Variants in ACACA observed in about 807,000 individuals in gnomAD.
ACACA encodes acetyl-CoA carboxylase alpha, also known as acetyl-CoA carboxylase 1.
ACACA carries 103 observed loss-of-function variants against 296.1 expected under a neutral mutation model. The ratio of observed to expected loss-of-function variants is 0.35; its 90% CI spans 0.30 to 0.41. The LOEUF (loss-of-function observed/expected upper bound fraction) is 0.41, where lower values mean the gene tolerates loss of function less well. Among genes scored for constraint, ACACA ranks in the 10% least tolerant of loss-of-function variants. The pLI, the probability that ACACA is intolerant of heterozygous loss-of-function variation, is 1.00. For synonymous variants in ACACA, 953 were observed against 1,038.6 expected (o/e 0.92, Z 1.58); for missense variants, 1,554 against 2,989.7 (o/e 0.52, Z 11.20).
rs565035938 is a variant in ACACA, at chr17:37,269,859, C to G, written c.1119+892G>C. 3.2e-4 allele frequency among the ~76,000 whole-genome samples: 49 copies of G among 151,602 alleles called. 1 individual carries two copies. The highest frequency in any genetic ancestry group is 2.5e-3 in the Admixed American group (38 of 15,242). ...GAGGAAACTATGAAAAAGAGGGAAGCTAGGAGAGTGAAAAGAGCAGACTTC... is the reference window on the plus strand; with the variant it reads ...GAGGAAACTATGAAAAAGAGGGAAGGTAGGAGAGTGAAAAGAGCAGACTTC... On this transcript the variant is annotated intron_variant, in intron 10 of 55. Transcript: ENST00000616317.
intron 3 of ACACA, among the ~76,000 whole-genome samples, chr17:37,309,045 A>G (rs996682748): frequency 2.0e-5 from 3 of 152,202 alleles, no homozygotes; most frequent in South Asian, 4.1e-4. Context: ...TTGTAGAGAC[A>G]GTCTTGCTCT....
chr17:37,306,882 G>C (rs925285367), intron 3 of ACACA, among the ~76,000 whole-genome samples: 1 of 151,890 alleles, frequency 6.6e-6, no homozygotes, highest in African/African-American at 2.4e-5. Flanking sequence ...ATTTTTACTA[G>C]AGATGAGGTT....
intron 37 of ACACA, 41 bp downstream of exon 37, chr17:37,192,049 C>T (rs1210198269): frequency 2.5e-6 from 4 of 1,585,292 alleles, no homozygotes; most frequent in Non-Finnish European, 2.6e-6. Flanking sequence ...TATTCTGTCC[C>T]TTCCCTCAGG....
At chr17:37,391,301 C>A (rs2050874092) in intron 1 of ACACA, among the ~76,000 whole-genome samples, 1 of 152,108 alleles carries the variant, frequency 6.6e-6, no homozygotes, top group South Asian at 2.1e-4. Context: ...TTACAGAAAT[C>A]CTGGAAAGTA....
At chr17:37,374,923 G>C (rs2049941127) in intron 1 of ACACA, among the ~76,000 whole-genome samples, 1 of 152,090 alleles carries the variant, frequency 6.6e-6, no homozygotes, top group African/African-American at 2.4e-5. Flanking sequence ...CGGCCGGCTG[G>C]GGTGGCTCAC....
At chr17:37,108,460 C>A (rs1043613049) in intron 52 of ACACA, among the ~76,000 whole-genome samples, 4 of 151,868 alleles carry the variant, frequency 2.6e-5, no homozygotes, top group African/African-American at 9.7e-5. Flanking sequence ...GCGATCTCGG[C>A]TCACTGCAAC....
intron 39 of ACACA, among the ~76,000 whole-genome samples, chr17:37,184,684 T>C (rs2077456402): frequency 6.6e-6 from 1 of 151,808 alleles, no homozygotes; most frequent in Non-Finnish European, 1.5e-5. Context: ...ACCCTGTCTC[T>C]AAAAAAATTT....
At chr17:37,129,974 T>A (rs1289778777) in intron 46 of ACACA, 101 bp downstream of exon 46, 1 of 1,470,578 alleles carries the variant, frequency 6.8e-7, no homozygotes, top group African/African-American at 1.4e-5. Flanking sequence ...ATAAAAAAAT[T>A]CCTCCACCAT....
intron 5 of ACACA, among the ~76,000 whole-genome samples, chr17:37,282,750 A>C (rs1398295309): frequency 2.0e-5 from 3 of 152,222 alleles, no homozygotes; most frequent in Non-Finnish European, 2.9e-5. Context: ...AGCTATACCA[A>C]CAGTCTTTAT....
chr17:37,390,330 A>ATATATATATATATATCTATATATATATC, intron 1 of ACACA, among the ~76,000 whole-genome samples: 1 of 41,582 alleles, frequency 2.4e-5, no homozygotes, highest in African/African-American at 1.3e-4. Context: ...ATATATATAT[A>ATATATATATATATATCTATATATATATC]TATAAAAGGC....
intron 45 of ACACA, among the ~76,000 whole-genome samples, chr17:37,130,452 A>G (rs1251729383): frequency 6.6e-6 from 1 of 152,224 alleles, no homozygotes; most frequent in Non-Finnish European, 1.5e-5. Flanking sequence ...CTATAGCATT[A>G]GGAGATATAC....
chr17:37,314,934 C>T (rs1364942755), intron 3 of ACACA, among the ~76,000 whole-genome samples: 3 of 148,982 alleles, frequency 2.0e-5, no homozygotes, highest in Non-Finnish European at 4.4e-5. Flanking sequence ...TGAGCTACCG[C>T]ACCCGGCCAG....
At chr17:37,260,292 ATATATTTT>A (rs1332813649) in intron 11 of ACACA, among the ~76,000 whole-genome samples, 3 of 16,490 alleles carry the variant, frequency 1.8e-4, no homozygotes, top group Non-Finnish European at 2.1e-4. Context: ...ATATATATAT[ATATATTTT>A]TTTTTTTTTT....
In ACACA at chr17:37,244,729, T is replaced by C; in HGVS notation, c.2601A>G (p.Glu867=). The C allele has an allele frequency of 6.2e-7, 1 of 1,614,148 alleles. No individual in the cohort carries two copies. Among genetic ancestry groups the C allele is most frequent in the South Asian group, 1.1e-5 (1 of 91,082 alleles). Residue 867 remains glutamate, a synonymous_variant, in exon 21 of 56, where the codon GAA becomes GAG. Transcript: ENST00000616317. The stretch of plus-strand genomic sequence containing the variant: ...TCCGTGGCAGACTACCTGTGTGAAG[T>C]TCAGCCTGTCAACCCCAACAAGAGA... ...LDNPSKVQQA[E]LHTGSLPRIQ... is the part of the protein sequence containing the mutation.
intron 3 of ACACA, among the ~76,000 whole-genome samples, chr17:37,318,815 T>C (rs1196243385): frequency 6.6e-6 from 1 of 152,172 alleles, no homozygotes; most frequent in Non-Finnish European, 1.5e-5. Context: ...TTAAATAAAG[T>C]CATTTCAAAC....
chr17:37,357,901 A>G (rs1448982664), intron 1 of ACACA, among the ~76,000 whole-genome samples: 1 of 152,188 alleles, frequency 6.6e-6, no homozygotes, highest in Non-Finnish European at 1.5e-5. Flanking sequence ...TAACCAAAGA[A>G]AGCATGCTTC....
intron 40 of ACACA, 74 bp downstream of exon 40, chr17:37,181,127 A>C: frequency 6.4e-7 from 1 of 1,564,050 alleles, no homozygotes; most frequent in Non-Finnish European, 8.8e-7. Flanking sequence ...TTCTAGCCAA[A>C]ACCGCATCTG....
chr17:37,400,438 C>T (rs908896304), intron 1 of ACACA, among the ~76,000 whole-genome samples: 1 of 151,876 alleles, frequency 6.6e-6, no homozygotes, highest in Non-Finnish European at 1.5e-5. Flanking sequence ...ATATTTTTAA[C>T]TATAGTCACC....
chr17:37,151,807 G>A (rs1327022636), intron 43 of ACACA, among the ~76,000 whole-genome samples: 3 of 152,012 alleles, frequency 2.0e-5, no homozygotes, highest in Admixed American at 6.6e-5. Context: ...GACTACAGGC[G>A]CCCGCCACCA....
Sources: gnomAD v4.1 joint callset for allele counts (sites outside exome capture counted in the v4.1 genomes callset) on GRCh38, gnomAD v4.1.1 for gene constraint, MANE v1.5 for transcripts, NCBI Gene and HGNC (gene_info 2026-07-23, HGNC 2026-07-21) for gene names.